The following GRM8 variants were observed in gnomAD, a reference collection of about 807,000 sequenced individuals.
The protein encoded by GRM8 is metabotropic glutamate receptor 8.
GRM8 carries 47 observed loss-of-function variants against 87.2 expected under a neutral mutation model. The observed-to-expected ratio is 0.54, with a 90% CI of 0.43 to 0.69. The LOEUF is 0.69. Ranked by LOEUF, GRM8 falls within the 30% of genes least tolerant of loss-of-function variation. The pLI is 0.00. For missense variants in GRM8, 1,019 were observed against 1,139.2 expected, an observed-to-expected ratio of 0.89 and a Z score of 1.52; for synonymous variants, 396 against 404.5, an observed-to-expected ratio of 0.98 and a Z score of 0.25.
At chr7:127,167,459 A>G in intron 2 of GRM8, among the ~76,000 whole-genome samples, 1 of 152,014 alleles carries the variant, frequency 6.6e-6, no homozygotes, top group Non-Finnish European at 1.5e-5. Context: ...ATTTTTCACA[A>G]ATTTAAGGTC....
chr7:127,114,675 A>T (rs1826595426), intron 2 of GRM8, among the ~76,000 whole-genome samples: 1 of 152,232 alleles, frequency 6.6e-6, no homozygotes, highest in Admixed American at 6.5e-5. Context: ...TTTTAGCAGC[A>T]AATCATGAGA....
chr7:126,791,238 CACTT>C (rs1190924689), intron 6 of GRM8, among the ~76,000 whole-genome samples: 2 of 152,084 alleles, frequency 1.3e-5, no homozygotes, highest in African/African-American at 4.8e-5. Context: ...TTTTAAAAAA[CACTT>C]AATTTGAGAT....
intron 3 of GRM8, among the ~76,000 whole-genome samples, chr7:126,969,589 T>G (rs1009504948): frequency 9.9e-5 from 15 of 152,172 alleles, no homozygotes; most frequent in African/African-American, 3.4e-4. Context: ...TCTTCTTATT[T>G]CCACCACATC....
chr7:127,152,300 C>T (rs534437358), intron 2 of GRM8, among the ~76,000 whole-genome samples: 34 of 152,136 alleles, frequency 2.2e-4, no homozygotes, highest in African/African-American at 7.9e-4. Flanking sequence ...TATAGCAATG[C>T]AGGTAAAGCA....
At chr7:127,079,113 T>A (rs1054866378) in intron 3 of GRM8, among the ~76,000 whole-genome samples, 1 of 147,248 alleles carries the variant, frequency 6.8e-6, no homozygotes, top group East Asian at 1.9e-4. Context: ...GGGCTTTGTG[T>A]TTCTTTTTTC....
intron 6 of GRM8, among the ~76,000 whole-genome samples, chr7:126,784,055 T>C (rs940436371): frequency 5.3e-5 from 8 of 152,216 alleles, no homozygotes; most frequent in Admixed American, 5.2e-4. Context: ...AAATGTGATG[T>C]CCTTCAACAT....
intron 3 of GRM8, among the ~76,000 whole-genome samples, chr7:126,924,729 G>T (rs1423830524): frequency 1.3e-5 from 2 of 151,846 alleles, no homozygotes; most frequent in Admixed American, 1.3e-4. Context: ...GGCTCTAATT[G>T]TACACAGCAT....
chr7:126,890,712 G>T (rs1403593917), intron 6 of GRM8, among the ~76,000 whole-genome samples: 2 of 152,004 alleles, frequency 1.3e-5, no homozygotes, highest in Admixed American at 6.6e-5. Flanking sequence ...ATCAGTTGTG[G>T]CTGAAGAGAC....
chr7:127,189,275 A>G (rs1794896136), intron 2 of GRM8, among the ~76,000 whole-genome samples: 1 of 152,176 alleles, frequency 6.6e-6, no homozygotes, highest in Admixed American at 6.5e-5. Flanking sequence ...GTAAACAGTA[A>G]TTCTCAAGTG....
At chr7:126,989,505 G>A (rs1308850061) in intron 3 of GRM8, among the ~76,000 whole-genome samples, 5 of 152,144 alleles carry the variant, frequency 3.3e-5, no homozygotes, top group Middle Eastern at 3.4e-3. Context: ...TCAACTATAC[G>A]TTTGCCTTGC....
At chr7:127,186,689 T>C (rs1402367743) in intron 2 of GRM8, among the ~76,000 whole-genome samples, 1 of 152,194 alleles carries the variant, frequency 6.6e-6, no homozygotes, top group African/African-American at 2.4e-5. Context: ...GCATAAAACG[T>C]GTACAAAGAG....
At chr7:127,215,993 C>T (rs17867796) in intron 2 of GRM8, among the ~76,000 whole-genome samples, 1,854 of 152,338 alleles carry the variant, frequency 0.012, 17 homozygotes, top group Non-Finnish European at 0.018. Flanking sequence ...AGTCACCTAG[C>T]AGAGAGAGCT....
rs533852695 is a variant in GRM8 at position 126,641,238 on chromosome 7, T to C, written c.1358-31740A>G. ...TCCCCAGTGCAATGGTCTGTGACTATTCAATAAAATCTTTTAAACTGACCA... is the reference window on the plus strand; with the variant it reads ...TCCCCAGTGCAATGGTCTGTGACTACTCAATAAAATCTTTTAAACTGACCA... On this transcript the variant is annotated intron_variant, in intron 7 of 10. Transcript: ENST00000339582. Among the ~76,000 whole-genome samples, 4 of 152,292 alleles carry C rather than the reference T, an allele frequency of 2.6e-5. No individual in the cohort carries two copies. The South Asian group carries it at 8.3e-4, about 32-fold the overall frequency.
At chr7:127,075,934 A>T (rs2132723634) in intron 3 of GRM8, 1 of 321,810 alleles carries the variant, frequency 3.1e-6, no homozygotes, top group East Asian at 7.9e-5. Flanking sequence ...ATACCACCCA[A>T]GAGCACCCAG....
chr7:126,865,789 C>T (rs6943080), intron 6 of GRM8, among the ~76,000 whole-genome samples: 7,109 of 152,138 alleles, frequency 0.047, 583 homozygotes, highest in African/African-American at 0.16. Context: ...AATAATATTC[C>T]ATTGTATGGG....
chr7:126,562,858 C>G (rs1262494112), intron 8 of GRM8, among the ~76,000 whole-genome samples: 1 of 152,208 alleles, frequency 6.6e-6, no homozygotes, highest in Non-Finnish European at 1.5e-5. Context: ...GACCATACCA[C>G]TGCACTCCAG....
chr7:126,914,213 C>T (rs1803620909), intron 3 of GRM8, among the ~76,000 whole-genome samples: 1 of 152,088 alleles, frequency 6.6e-6, no homozygotes, highest in Admixed American at 6.5e-5. Flanking sequence ...AAGTCAAAAC[C>T]ACTATGAGAC....
At chr7:126,649,978 G>C (rs1002420384) in intron 7 of GRM8, among the ~76,000 whole-genome samples, 1 of 152,198 alleles carries the variant, frequency 6.6e-6, no homozygotes. Flanking sequence ...TAGGATTTTG[G>C]AACAAGGCTC....
At chr7:126,439,364 T>C (rs1004005449) in intron 10 of GRM8, among the ~76,000 whole-genome samples, 196 bp from the exon 11 acceptor site, 2 of 152,094 alleles carry the variant, frequency 1.3e-5, no homozygotes, top group South Asian at 2.1e-4. Context: ...CTGCATTATA[T>C]AAAGGTGGTC....
Sources: gnomAD v4.1 joint callset for allele counts (sites outside exome capture counted in the v4.1 genomes callset) on GRCh38, gnomAD v4.1.1 for gene constraint, MANE v1.5 for transcripts, NCBI Gene and HGNC (gene_info 2026-07-23, HGNC 2026-07-21) for gene names.